C19orf53: variants seen among roughly 807,000 people sequenced by gnomAD.
C19orf53 encodes leydig cell tumor 10 kDa protein homolog.
In C19orf53, 9 loss-of-function variants were observed where a neutral mutation model predicts 6.5. The ratio of observed to expected loss-of-function variants is 1.38; its 90% CI spans 0.83 to 2.40. The LOEUF (loss-of-function observed/expected upper bound fraction) is 2.40. Ranked by LOEUF, C19orf53 falls within the 30% of genes most tolerant of loss-of-function variation. The probability of loss-of-function intolerance (pLI) is 0.00; values close to 1 mark genes in which losing one functional copy is unlikely to be tolerated. For missense variants in C19orf53, 166 were observed against 129.7 expected (o/e 1.28, Z -1.36); for synonymous variants, 68 against 52.5 (o/e 1.29, Z -1.27).
chr19:13,776,954 T>C (rs1282689859), intron 2 of C19orf53, among the ~76,000 whole-genome samples: 26 of 152,120 alleles, frequency 1.7e-4, no homozygotes, highest in Admixed American at 1.7e-3. Flanking sequence ...TGTTTTTGTT[T>C]TTTGTTTTTG....
intron 1 of C19orf53, 35 bp downstream of exon 1, chr19:13,774,609 G>T: frequency 6.2e-7 from 1 of 1,613,194 alleles, no homozygotes; most frequent in Non-Finnish European, 8.5e-7. Flanking sequence ...GGGCGAGGTG[G>T]ACCCCCGGCT....
chr19:13,777,713 TAGAGGCTGGGACC>T (rs1261028474), intron 2 of C19orf53, among the ~76,000 whole-genome samples: 1 of 152,182 alleles, frequency 6.6e-6, no homozygotes. Context: ...GCTGCCCTTC[TAGAGGCTGGGACC>T]AGAGGCTGTG....
In C19orf53 at chr19:13,778,667, G is replaced by A. The variant is rs1375462039; in HGVS notation, c.*469G>A. 6.6e-6 allele frequency among the ~76,000 whole-genome samples: 1 copy of A among 152,126 alleles called. No homozygotes were observed. The highest frequency in any genetic ancestry group is 1.5e-5 in the Non-Finnish European group (1 of 68,028). On this transcript the variant is annotated 3_prime_UTR_variant, in exon 3 of 3. Coordinates refer to ENST00000588234, the MANE Select transcript of C19orf53 (RefSeq NM_014047.3). The stretch of plus-strand genomic sequence containing the variant: ...TTAACCCCGGGTGACTCACTCCCTG[G>A]CCAGTCCTCACCCCTGGGGACACAA...
intron 2 of C19orf53, chr19:13,774,913 G>A: frequency 1.5e-6 from 1 of 661,972 alleles, no homozygotes; most frequent in Non-Finnish European, 2.5e-6. Context: ...GGTAAGAGGT[G>A]GAAGCTGGCG....
At chr19:13,775,255 G>A (rs182131110) in intron 2 of C19orf53, among the ~76,000 whole-genome samples, 1 of 151,822 alleles carries the variant, frequency 6.6e-6, no homozygotes, top group East Asian at 1.9e-4. Flanking sequence ...ACAGCAGAGG[G>A]CTCAAAGAAG....
Position 13,778,686 on chromosome 19 carries a change from G to C in C19orf53, c.*488G>C, listed in dbSNP as rs1214266714. Reference sequence around the variant, plus strand: ...TCCCTGGCCAGTCCTCACCCCTGGGGACACAACCAGAGTCAAGCTGGACAT... The same window carrying C: ...TCCCTGGCCAGTCCTCACCCCTGGGCACACAACCAGAGTCAAGCTGGACAT... On this transcript the variant is annotated 3_prime_UTR_variant, in exon 3 of 3. Coordinates refer to ENST00000588234, the MANE Select transcript of C19orf53 (RefSeq NM_014047.3). Among the ~76,000 whole-genome samples, 2 of 152,162 alleles carry C rather than the reference G, an allele frequency of 1.3e-5. No individual in the cohort carries two copies. The highest frequency in any genetic ancestry group is 1.3e-4 in the Admixed American group (2 of 15,274).
chr19:13,774,624 G>C, intron 1 of C19orf53, 28 bp from the exon 2 acceptor site: 1 of 1,612,940 alleles, frequency 6.2e-7, no homozygotes, highest in South Asian at 1.1e-5. Context: ...CCGGCTTCCC[G>C]GCCTCACGTG....
Position 13,778,189 on chromosome 19 carries a change from ACCTTCCTGAG to A in C19orf53, c.292_*1del. 6.2e-7 allele frequency: 1 copy of A among 1,602,224 alleles called. No individual in the cohort carries two copies. Among genetic ancestry groups the A allele is most frequent in the South Asian group, 1.1e-5 (1 of 89,984 alleles). On this transcript the variant is annotated stop_lost and 3_prime_UTR_variant, in exon 3 of 3. Transcript: ENST00000588234. Reference sequence around the variant, plus strand: ...CAGCTGCCGCCACCTCCTCCAAGACACCTTCCTGAGGACGCTGGCCCCAGTGCAGGCCAAC... The same window carrying A: ...CAGCTGCCGCCACCTCCTCCAAGACAGACGCTGGCCCCAGTGCAGGCCAAC...
chr19:13,777,176 TC>T (rs1211972788), intron 2 of C19orf53, among the ~76,000 whole-genome samples: 2 of 152,054 alleles, frequency 1.3e-5, no homozygotes, highest in African/African-American at 4.8e-5. Flanking sequence ...GGTCTAGAGC[TC>T]CTGACCTCAG....
At position 13,778,438 on chromosome 19, in the gene C19orf53, A is replaced by G; in HGVS notation, c.*240A>G. 2.5e-6 allele frequency: 1 copy of G among 406,918 alleles called. No homozygotes were observed. The highest frequency in any genetic ancestry group is 4.3e-6 in the Non-Finnish European group (1 of 231,676). The allele number at this position is 406,918 out of a possible 1,614,324, so 25.2% of individuals were successfully genotyped here. On this transcript the variant is annotated 3_prime_UTR_variant, in exon 3 of 3. Coordinates refer to ENST00000588234, the MANE Select transcript of C19orf53 (RefSeq NM_014047.3). Reference sequence around the variant, plus strand: ...TCCTGCCTCCACAGGTTTAACCCAGAACAATAAACCTGGCTTTGTCATCCC... The same window carrying G: ...TCCTGCCTCCACAGGTTTAACCCAGGACAATAAACCTGGCTTTGTCATCCC...
chr19:13,777,096 C>T (rs1974379096), intron 2 of C19orf53, among the ~76,000 whole-genome samples: 2 of 152,010 alleles, frequency 1.3e-5, no homozygotes, highest in East Asian at 1.9e-4. Context: ...GGATTACAGG[C>T]GCCCGCCACC....
intron 2 of C19orf53, among the ~76,000 whole-genome samples, chr19:13,777,645 C>G (rs1191782066): frequency 1.5e-5 from 2 of 134,614 alleles, no homozygotes; most frequent in Admixed American, 1.5e-4. Context: ...CTCCCTTGCC[C>G]ACTCTTCAGA....
intron 2 of C19orf53, 55 bp from the exon 3 acceptor site, chr19:13,777,997 C>T: frequency 6.4e-7 from 1 of 1,556,900 alleles, no homozygotes; most frequent in Non-Finnish European, 8.7e-7. Flanking sequence ...GGTGACTGGT[C>T]AGGCCCTCTC....
chr19:13,778,299 C>T lies in C19orf53; in HGVS notation c.*101C>T. On this transcript the variant is annotated 3_prime_UTR_variant, in exon 3 of 3. Transcript: ENST00000588234. ...GCACTGTCAGGAAGAGGACCCTGTC[C>T]CCCAGCACTGGGCTTCACCTAGAAC... 5 of 1,373,574 alleles carry T rather than the reference C, an allele frequency of 3.6e-6. No individual in the cohort carries two copies. In the South Asian group the frequency reaches 5.0e-5, roughly 14 times the overall value. The allele number at this position is 1,373,574 out of a possible 1,614,324, so 85.1% of individuals were successfully genotyped here.
chr19:13,778,265 C>G lies in C19orf53; in HGVS notation c.*67C>G. ...TCCATATGGGACCTTGCAAGTCATC[C>G]CACAGGCTGCACTGTCAGGAAGAGG... On this transcript the variant is annotated 3_prime_UTR_variant, in exon 3 of 3. Transcript: ENST00000588234. 2 of 1,479,842 alleles carry G rather than the reference C, an allele frequency of 1.4e-6. No homozygotes were observed. The highest frequency in any genetic ancestry group is 9.0e-7 in the Non-Finnish European group (1 of 1,110,502). The allele number at this position is 1,479,842 out of a possible 1,614,324, so 91.7% of individuals were successfully genotyped here.
intron 2 of C19orf53, among the ~76,000 whole-genome samples, chr19:13,777,362 A>G (rs1974381807): frequency 6.6e-6 from 1 of 151,750 alleles, no homozygotes; most frequent in Non-Finnish European, 1.5e-5. Context: ...CAAACAGCTG[A>G]GACGAGAGGC....
chr19:13,775,013 G>A (rs1974353040), intron 2 of C19orf53: 2 of 523,122 alleles, frequency 3.8e-6, no homozygotes. Flanking sequence ...AAAGGGCAAG[G>A]GATGAGGCCT....
rs1042803065 is a variant in C19orf53, at chr19:13,774,886, C to T, written c.153+179C>T. The T allele has an allele frequency of 1.4e-5, 11 of 810,668 alleles. No homozygotes were observed. In the African/African-American group the frequency reaches 1.7e-4, roughly 13 times the overall value. 50.2% of individuals were successfully genotyped at this position (810,668 alleles called of 1,614,324 possible). ...GCCGCGTTAGGAGCGAAGGATGGAGCCCGGGGCGCAGAGAGGGGTAAGAGG... is the reference window on the plus strand; with the variant it reads ...GCCGCGTTAGGAGCGAAGGATGGAGTCCGGGGCGCAGAGAGGGGTAAGAGG... On this transcript the variant is annotated intron_variant, in intron 2 of 2. Transcript: ENST00000588234.
intron 2 of C19orf53, among the ~76,000 whole-genome samples, 155 bp from the exon 3 acceptor site, chr19:13,777,897 A>G (rs1413388787): frequency 6.6e-6 from 1 of 152,046 alleles, no homozygotes; most frequent in Non-Finnish European, 1.5e-5. Flanking sequence ...AGAGTGCAGG[A>G]CTTAAACCCC....
Sources: allele counts gnomAD v4.1 joint callset (sites outside exome capture counted in the v4.1 genomes callset), GRCh38; gene constraint gnomAD v4.1.1; transcripts MANE v1.5; gene names NCBI Gene and HGNC (gene_info 2026-07-23, HGNC 2026-07-21).